Variants in DISP1 observed in about 807,000 individuals in gnomAD.
DISP1 encodes dispatched RND transporter family member 1, also known as protein dispatched homolog 1.
In DISP1, 30 loss-of-function variants were observed where a neutral mutation model predicts 37.3. The ratio of observed to expected loss-of-function variants is 0.80; its 90% CI spans 0.60 to 1.09. The LOEUF (loss-of-function observed/expected upper bound fraction) is 1.09. Among genes scored for constraint, DISP1 ranks in the 50% least tolerant of loss-of-function variants. The pLI, the probability that DISP1 is intolerant of heterozygous loss-of-function variation, is 0.00. For synonymous variants in DISP1, 634 were observed against 690.2 expected (o/e 0.92, Z 1.28); for missense variants, 1,598 against 1,879.5 (o/e 0.85, Z 2.77).
chr1:222,853,525 A>G (rs1668386474), intron 1 of DISP1, among the ~76,000 whole-genome samples: 1 of 152,160 alleles, frequency 6.6e-6, no homozygotes, highest in Non-Finnish European at 1.5e-5. Flanking sequence ...GATAAAGAAA[A>G]TGTATATATA....
In DISP1 at chr1:222,990,639, T is replaced by A. The variant is rs1398450264; in HGVS notation, c.554T>A (p.Ile185Lys). The A allele has an allele frequency of 6.2e-7, 1 of 1,613,968 alleles. No homozygotes were observed. The highest frequency in any genetic ancestry group is 8.5e-7 in the Non-Finnish European group (1 of 1,179,964). The change falls in exon 5 of 9, where the codon ATA becomes AAA. Residue 185 changes from isoleucine (I) to lysine (K), a missense_variant. Physicochemically the swap from Ile to Lys is moderately radical, Grantham distance 102. Coordinates refer to ENST00000675850, the MANE Select transcript of DISP1 (RefSeq NM_001377229.1). Reference sequence around the variant, plus strand: ...GTGTTTTGTAGTTATGCAGCCCTGATAGCCGACTGGCCGGTGGTGGTCTTG... The same window carrying A: ...GTGTTTTGTAGTTATGCAGCCCTGAAAGCCGACTGGCCGGTGGTGGTCTTG... ...FKLPKSYAAL[I>K]ADWPVVVLGM...
In DISP1 at chr1:223,005,815, G is replaced by A; in HGVS notation, c.4418G>A (p.Cys1473Tyr). The A allele has an allele frequency of 6.2e-7, 1 of 1,614,230 alleles. No individual in the cohort carries two copies. The highest frequency in any genetic ancestry group is 8.5e-7 in the Non-Finnish European group (1 of 1,180,050). Residue 1473 changes from cysteine (C) to tyrosine (Y), a missense_variant, in exon 9 of 9, where the codon TGT becomes TAT. Physicochemically the swap from Cys to Tyr is radical, Grantham distance 194 (BLOSUM62 -2). Coordinates refer to ENST00000675850, the MANE Select transcript of DISP1 (RefSeq NM_001377229.1). ...AATCATTTAATGGGGGAGGCTGGTT[G>A]TAGGTCTTGCCCAAATAATTCACAA... ...LFNHLMGEAG[C>Y]RSCPNNSQSC...
intron 3 of DISP1, among the ~76,000 whole-genome samples, chr1:222,952,665 C>T (rs1469263157): frequency 6.6e-6 from 1 of 152,138 alleles, no homozygotes. Context: ...TCCTGGCCAA[C>T]ATGGTGAAAC....
chr1:222,926,510 G>A (rs1478846113), intron 1 of DISP1, among the ~76,000 whole-genome samples: 1 of 152,082 alleles, frequency 6.6e-6, no homozygotes, highest in East Asian at 1.9e-4. Context: ...ACTGGTTCTA[G>A]GAGAAATACA....
chr1:222,965,345 G>T (rs1402732232), intron 3 of DISP1, among the ~76,000 whole-genome samples: 1 of 152,152 alleles, frequency 6.6e-6, no homozygotes, highest in Non-Finnish European at 1.5e-5. Flanking sequence ...ACATAGTAAA[G>T]TCTGTAAATG....
intron 1 of DISP1, among the ~76,000 whole-genome samples, chr1:222,869,009 G>A (rs1210136825): frequency 6.6e-6 from 1 of 152,038 alleles, no homozygotes; most frequent in Non-Finnish European, 1.5e-5. Flanking sequence ...TTCTCATAAT[G>A]CCTTTGATTT....
rs773217795 is a variant in DISP1 at position 223,002,604 on chromosome 1, G to C, written c.1207G>C (p.Ala403Pro). Reference protein sequence around the residue: ...TLGPDCWDMAARRKDQLKCTN... With the variant: ...TLGPDCWDMAPRRKDQLKCTN... ...GGGGCCAGACTGCTGGGACATGGCA[G>C]CCAGAAGAAAGGACCAGCTCAAGTG... is the stretch of plus-strand genomic sequence containing the variant. Residue 403 changes from alanine (A) to proline (P), a missense_variant, in exon 9 of 9, where the codon GCC becomes CCC. Transcript: ENST00000675850. 1.2e-6 allele frequency: 2 copies of C among 1,614,180 alleles called. No homozygotes were observed. Among genetic ancestry groups the C allele is most frequent in the South Asian group, 2.2e-5 (2 of 91,080 alleles).
Position 222,898,548 on chromosome 1 carries a change from G to GTT in DISP1, c.-158-29870_-158-29869dup, listed in dbSNP as rs5781289. Among the ~76,000 whole-genome samples the GTT allele has an allele frequency of 4.5e-3, 654 of 146,770 alleles. 4 individuals are homozygous for GTT. Among genetic ancestry groups the GTT allele is most frequent in the Middle Eastern group, 0.011 (3 of 284 alleles). On this transcript the variant is annotated intron_variant, in intron 1 of 8. Coordinates refer to ENST00000675850, the MANE Select transcript of DISP1 (RefSeq NM_001377229.1). ...TTTTACACATGTGCCATGTACCACT[G>GTT]TTTTTTTTTTTTTAATTTCAACTTT... is the stretch of plus-strand genomic sequence containing the variant.
At chr1:222,939,355 AT>A (rs35313341) in intron 2 of DISP1, among the ~76,000 whole-genome samples, 3,478 of 112,886 alleles carry the variant, frequency 0.031, 123 homozygotes, top group African/African-American at 0.094. Flanking sequence ...AAGAAAAATA[AT>A]TTTTTTTTTT....
intron 1 of DISP1, among the ~76,000 whole-genome samples, chr1:222,871,368 A>G (rs986718414): frequency 1.3e-5 from 2 of 152,154 alleles, no homozygotes; most frequent in Non-Finnish European, 2.9e-5. Flanking sequence ...CTGAATCTAT[A>G]AATTACCTTG....
At chr1:222,908,055 C>T (rs746086334) in intron 1 of DISP1, among the ~76,000 whole-genome samples, 5 of 151,970 alleles carry the variant, frequency 3.3e-5, no homozygotes, top group Non-Finnish European at 5.9e-5. Flanking sequence ...GAGATGTTTG[C>T]GCTTTGGTGG....
At chr1:222,855,502 A>G (rs893780743) in intron 1 of DISP1, among the ~76,000 whole-genome samples, 1 of 152,182 alleles carries the variant, frequency 6.6e-6, no homozygotes, top group Admixed American at 6.5e-5. Flanking sequence ...ATGAGCCTTA[A>G]CCTTTGCAGG....
At chr1:222,960,171 CATTCTT>C in intron 3 of DISP1, among the ~76,000 whole-genome samples, 1 of 152,344 alleles carries the variant, frequency 6.6e-6, no homozygotes, top group African/African-American at 2.4e-5. Context: ...ACAGAATATA[CATTCTT>C]TTCAGTGCCA....
Position 222,887,789 on chromosome 1 carries a change from C to T in DISP1, c.-158-40641C>T, listed in dbSNP as rs1223910158. 3.6e-5 allele frequency among the ~76,000 whole-genome samples: 4 copies of T among 111,890 alleles called. 1 individual carries two copies. The highest frequency in any genetic ancestry group is 8.3e-5 in the Non-Finnish European group (4 of 48,092). 73.4% of individuals were successfully genotyped at this position (111,890 alleles called of 152,430 possible). A position where few individuals can be genotyped will look rare whatever the true frequency, so the allele number is the denominator to read the frequency against. ...CTGGGATTACAGGCGTGAGCCACCGCGCCCGGCCTGTTTTTGTTTTTAATA... is the reference window on the plus strand; with the variant it reads ...CTGGGATTACAGGCGTGAGCCACCGTGCCCGGCCTGTTTTTGTTTTTAATA... On this transcript the variant is annotated intron_variant, in intron 1 of 8. Coordinates refer to ENST00000675850, the MANE Select transcript of DISP1 (RefSeq NM_001377229.1).
intron 1 of DISP1, among the ~76,000 whole-genome samples, chr1:222,909,675 C>T (rs1029048647): frequency 3.9e-5 from 6 of 152,154 alleles, no homozygotes; most frequent in Non-Finnish European, 8.8e-5. Context: ...AAAACTAAAA[C>T]AATATACCTA....
chr1:222,819,298 A>G (rs1378213509), intron 1 of DISP1, among the ~76,000 whole-genome samples: 1 of 152,116 alleles, frequency 6.6e-6, no homozygotes, highest in Admixed American at 6.6e-5. Flanking sequence ...TCTTTTCTTT[A>G]TAAATTACCC....
chr1:222,841,942 G>A (rs763639950), intron 1 of DISP1, among the ~76,000 whole-genome samples: 4 of 152,038 alleles, frequency 2.6e-5, no homozygotes, highest in Non-Finnish European at 4.4e-5. Context: ...CAGAGGGATT[G>A]GAATTTTAGA....
chr1:222,968,399 C>T (rs1207546831), intron 3 of DISP1, among the ~76,000 whole-genome samples: 1 of 152,088 alleles, frequency 6.6e-6, no homozygotes, highest in Non-Finnish European at 1.5e-5. Context: ...TGTTGTAGTT[C>T]TAGAAAGACC....
At chr1:222,920,834 A>G (rs1268963401) in intron 1 of DISP1, among the ~76,000 whole-genome samples, 1 of 152,186 alleles carries the variant, frequency 6.6e-6, no homozygotes, top group African/African-American at 2.4e-5. Context: ...TTGATAGTAT[A>G]TAAATTAATA....
Sources: allele counts gnomAD v4.1 joint callset (sites outside exome capture counted in the v4.1 genomes callset), GRCh38; gene constraint gnomAD v4.1.1; transcripts MANE v1.5; gene names NCBI Gene and HGNC (gene_info 2026-07-23, HGNC 2026-07-21).